SCN7A: variants seen among roughly 807,000 people sequenced by gnomAD.
SCN7A encodes sodium channel protein type 7 subunit alpha.
SCN7A carries 138 observed loss-of-function variants against 155.2 expected under a neutral mutation model. That is an observed-to-expected ratio of 0.89 (90% CI 0.77 to 1.02). SCN7A has a LOEUF of 1.02. Among genes scored for constraint, SCN7A ranks in the 50% least tolerant of loss-of-function variants. The pLI is 0.00. For synonymous variants in SCN7A, 693 were observed against 649.0 expected (o/e 1.07, Z -1.03); for missense variants, 2,058 against 1,986.6 (o/e 1.04, Z -0.68).
chr2:166,414,813 A>G (rs1701325651), intron 21 of SCN7A: 1 of 135,326 alleles, frequency 7.4e-6, no homozygotes, highest in Admixed American at 8.3e-5. Context: ...ATATAGTAGG[A>G]TATATAATAT....
chr2:166,473,571 G>C (rs1702706113), intron 5 of SCN7A, among the ~76,000 whole-genome samples: 1 of 151,406 alleles, frequency 6.6e-6, no homozygotes, highest in East Asian at 1.9e-4. Context: ...TTAATGAATG[G>C]AAAGGAATGA....
chr2:166,482,822 T>C (rs984591734), intron 2 of SCN7A, among the ~76,000 whole-genome samples: 1 of 151,850 alleles, frequency 6.6e-6, no homozygotes, highest in Non-Finnish European at 1.5e-5. Context: ...GACTTCTAGA[T>C]GGTTGAGTGC....
Position 166,453,272 on chromosome 2 carries a change from C to T in SCN7A, c.1290+3598G>A, listed in dbSNP as rs114005491. On this transcript the variant is annotated intron_variant, in intron 11 of 25. Coordinates refer to ENST00000643258, the MANE Select transcript of SCN7A (RefSeq NM_002976.4). ...AAAATTTAGCATAGAGTCTGAAACA[C>T]AGTAAATAAGCAATAAATGTTGCAT... Among the ~76,000 whole-genome samples, 228 of 152,146 alleles carry T rather than the reference C, an allele frequency of 1.5e-3. 1 individual carries two copies. The highest frequency in any genetic ancestry group is 3.4e-3 in the Middle Eastern group (1 of 294).
At chr2:166,488,175 G>A (rs1703093877) in intron 1 of SCN7A, among the ~76,000 whole-genome samples, 2 of 152,034 alleles carry the variant, frequency 1.3e-5, no homozygotes, top group African/African-American at 4.8e-5. Flanking sequence ...TTATTGGTTT[G>A]GGCAACTTGA....
chr2:166,483,917 T>G (rs1702987683), intron 2 of SCN7A, among the ~76,000 whole-genome samples: 1 of 151,852 alleles, frequency 6.6e-6, no homozygotes, highest in Non-Finnish European at 1.5e-5. Context: ...TCAACATATA[T>G]CTCAGGTGCA....
Position 166,416,795 on chromosome 2 carries a change from C to T in SCN7A, c.3326G>A (p.Ser1109Asn). 1 of 1,613,488 alleles carries T rather than the reference C, an allele frequency of 6.2e-7. No homozygotes were observed. The highest frequency in any genetic ancestry group is 8.5e-7 in the Non-Finnish European group (1 of 1,179,672). The change falls in exon 21 of 26, where the codon AGC becomes AAC. Residue 1109 changes from serine to asparagine, a missense_variant. Ser to Asn is a conservative substitution (Grantham distance 46, BLOSUM62 1). Coordinates refer to ENST00000643258, the MANE Select transcript of SCN7A (RefSeq NM_002976.4). ...SEVMNKSRCE[S>N]LLFNESMLWE... ...TAGCATGGATTCGTTAAACAGAAGG[C>T]TTTCACACCGACTCTTATTCATGAC...
chr2:166,422,834 A>G (rs542319741), intron 19 of SCN7A, among the ~76,000 whole-genome samples: 1 of 152,236 alleles, frequency 6.6e-6, no homozygotes, highest in South Asian at 2.1e-4. Context: ...AGAAGCAGGG[A>G]CACCACTTTG....
intron 8 of SCN7A, 22 bp downstream of exon 8, chr2:166,465,759 T>C (rs749223645): frequency 6.2e-7 from 1 of 1,610,768 alleles, no homozygotes. Context: ...ATTTTTGATA[T>C]ACATGGCAAG....
rs185727237 is a variant in SCN7A at position 166,411,407 on chromosome 2, T to C, written c.3607-1083A>G. 4.8e-3 allele frequency among the ~76,000 whole-genome samples: 723 copies of C among 151,976 alleles called. 4 individuals carry two copies. The highest frequency in any genetic ancestry group is 0.011 in the Admixed American group (164 of 15,204). Reference sequence around the variant, plus strand: ...TTATCAAGCGATTGTGTTCAAGTAATCCTTATTATAATTAATAATAACCCC... The same window carrying C: ...TTATCAAGCGATTGTGTTCAAGTAACCCTTATTATAATTAATAATAACCCC... On this transcript the variant is annotated intron_variant, in intron 23 of 25. Coordinates refer to ENST00000643258, the MANE Select transcript of SCN7A (RefSeq NM_002976.4).
intron 25 of SCN7A, among the ~76,000 whole-genome samples, chr2:166,408,823 C>A (rs1480525291): frequency 6.6e-6 from 1 of 151,908 alleles, no homozygotes; most frequent in Non-Finnish European, 1.5e-5. Context: ...GAACTTACAC[C>A]CTAATATGTG....
In SCN7A at chr2:166,444,854, T is replaced by C. The variant is rs770071457; in HGVS notation, c.1534A>G (p.Ile512Val). 1 of 1,612,372 alleles carries C rather than the reference T, an allele frequency of 6.2e-7. No homozygotes were observed. Among genetic ancestry groups the C allele is most frequent in the Non-Finnish European group, 8.5e-7 (1 of 1,178,830 alleles). ...IMAPFTDLFLIICIILNVCFL... is the reference protein window; with the variant it reads ...IMAPFTDLFLVICIILNVCFL... ...CATACGTTTAAAATTATGCATATGA[T>C]AAGGAAAAGATCAGTAAATGGTGCC... Residue 512 changes from isoleucine (I) to valine (V), a missense_variant, in exon 13 of 26, where the codon ATC (isoleucine) becomes GTC (valine). Coordinates refer to ENST00000643258, the MANE Select transcript of SCN7A (RefSeq NM_002976.4).
At chr2:166,475,104 GTATA>G (rs370064873) in intron 3 of SCN7A, among the ~76,000 whole-genome samples, 9,638 of 85,938 alleles carry the variant, frequency 0.11, 732 homozygotes, top group African/African-American at 0.22. Context: ...ACATATATAT[GTATA>G]TATATATATA....
At chr2:166,423,594 A>G (rs1420428159) in intron 18 of SCN7A, among the ~76,000 whole-genome samples, 162 bp from the exon 19 acceptor site, 1 of 152,096 alleles carries the variant, frequency 6.6e-6, no homozygotes, top group Non-Finnish European at 1.5e-5. Flanking sequence ...ACTTATTGAC[A>G]TAATCTATAA....
chr2:166,406,528 A>C lies in SCN7A; in HGVS notation c.4101T>G (p.His1367Gln). The C allele has an allele frequency of 6.2e-7, 1 of 1,612,928 alleles. No homozygotes were observed. The change falls in exon 26 of 26, where the codon CAT (histidine) becomes CAG (glutamine). Residue 1367 changes from histidine (H) to glutamine (Q), a missense_variant. Transcript: ENST00000643258. Reference sequence around the variant, plus strand: ...ACAGCATCAAAGGAAGCATCAGATTATGAAACACCTTTGGTCCTTTTCCAA... The same window carrying C: ...ACAGCATCAAAGGAAGCATCAGATTCTGAAACACCTTTGGTCCTTTTCCAA... ...LRLGKGPKVF[H>Q]NLMLPLMLSL...
chr2:166,432,812 A>T (rs762935377), intron 15 of SCN7A, 60 bp from the exon 16 acceptor site: 2 of 1,293,294 alleles, frequency 1.5e-6, no homozygotes, highest in Non-Finnish European at 2.1e-6. Context: ...TTAAGTAATG[A>T]AAAGTTTGTT....
intron 11 of SCN7A, among the ~76,000 whole-genome samples, chr2:166,453,179 A>T (rs545524126): frequency 6.6e-6 from 1 of 152,256 alleles, no homozygotes; most frequent in South Asian, 2.1e-4. Context: ...CAGTTTTCTT[A>T]TGTGAAATAT....
At chr2:166,409,965 CTT>C in intron 24 of SCN7A, 30 bp from the exon 25 acceptor site, 1 of 1,506,108 alleles carries the variant, frequency 6.6e-7, no homozygotes, top group Non-Finnish European at 8.9e-7. Flanking sequence ...GTGTAATAGT[CTT>C]ATTAATAGGA....
At chr2:166,463,084 G>C (rs1379567748) in intron 9 of SCN7A, among the ~76,000 whole-genome samples, 2 of 152,190 alleles carry the variant, frequency 1.3e-5, no homozygotes, top group Non-Finnish European at 2.9e-5. Context: ...TGCAATGGTT[G>C]AGGGTATAAT....
chr2:166,475,093 C>CGTATATATATATATATATATATATAT (rs1193173809), intron 3 of SCN7A, among the ~76,000 whole-genome samples: 1 of 129,562 alleles, frequency 7.7e-6, no homozygotes. Flanking sequence ...TATATATATA[C>CGTATATATATATATATATATATATAT]ACATATATAT....
Sources: allele counts gnomAD v4.1 joint callset (sites outside exome capture counted in the v4.1 genomes callset), GRCh38; gene constraint gnomAD v4.1.1; transcripts MANE v1.5; gene names NCBI Gene and HGNC (gene_info 2026-07-23, HGNC 2026-07-21).